Variants in NAV2 observed in about 807,000 individuals in gnomAD.
NAV2 encodes neuron navigator 2.
A neutral mutation model predicts 223.2 loss-of-function variants in NAV2; 54 were observed. The observed-to-expected ratio is 0.24, with a 90% CI of 0.19 to 0.30. The LOEUF is 0.30. Among genes scored for constraint, NAV2 ranks in the 10% least tolerant of loss-of-function variants. The pLI is 1.00. For missense variants in NAV2, 2,806 were observed against 3,147.5 expected (o/e 0.89, Z 2.60); for synonymous variants, 1,279 against 1,239.3 (o/e 1.03, Z -0.67).
intron 1 of NAV2, among the ~76,000 whole-genome samples, chr11:19,519,185 T>A (rs1189648800): frequency 6.6e-6 from 1 of 152,210 alleles, no homozygotes; most frequent in Non-Finnish European, 1.5e-5. Context: ...CTTCATTAAT[T>A]CATAATTCGT....
At chr11:19,509,977 A>G (rs139296631) in intron 1 of NAV2, among the ~76,000 whole-genome samples, 1 of 152,284 alleles carries the variant, frequency 6.6e-6, no homozygotes, top group African/African-American at 2.4e-5. Flanking sequence ...GCATTTTTCC[A>G]GGAGGATCTA....
chr11:19,950,900 G>A (rs1053901325), intron 10 of NAV2, among the ~76,000 whole-genome samples: 2 of 148,434 alleles, frequency 1.3e-5, no homozygotes, highest in Non-Finnish European at 2.9e-5. Context: ...GGGCAAAAAA[G>A]GTATGATCTA....
At chr11:19,993,382 G>A (rs1223062539) in intron 11 of NAV2, among the ~76,000 whole-genome samples, 1 of 152,198 alleles carries the variant, frequency 6.6e-6, no homozygotes, top group African/African-American at 2.4e-5. Context: ...TAAAGCTTCT[G>A]TCTGGAAATG....
chr11:20,015,374 T>C (rs1183974102), intron 11 of NAV2, among the ~76,000 whole-genome samples: 2 of 152,308 alleles, frequency 1.3e-5, no homozygotes, highest in East Asian at 3.9e-4. Flanking sequence ...TTTTGCTATT[T>C]AGAAAGCTAC....
At chr11:19,347,432 C>G (rs558559723), upstream of NAV2, among the ~76,000 whole-genome samples, 3 of 152,194 alleles carry the variant, frequency 2.0e-5, no homozygotes, top group African/African-American at 4.8e-5. Context: ...CTCCCACCCC[C>G]GGGGTGGTTG....
chr11:19,397,565 A>G (rs1392754326), intron 1 of NAV2, among the ~76,000 whole-genome samples: 1 of 152,184 alleles, frequency 6.6e-6, no homozygotes, highest in African/African-American at 2.4e-5. Flanking sequence ...GAGGTACATC[A>G]TCTTTACATT....
At chr11:19,426,695 A>AT (rs11301997) in intron 1 of NAV2, among the ~76,000 whole-genome samples, 16 of 149,576 alleles carry the variant, frequency 1.1e-4, no homozygotes, top group East Asian at 5.9e-4. Context: ...AGTCCCATCA[A>AT]TTTTTTTTTT....
chr11:19,940,132 A>G (rs1481863202), intron 8 of NAV2, among the ~76,000 whole-genome samples: 1 of 152,172 alleles, frequency 6.6e-6, no homozygotes, highest in Non-Finnish European at 1.5e-5. Flanking sequence ...CTTTTCAACA[A>G]GATTTAGAAT....
intron 1 of NAV2, among the ~76,000 whole-genome samples, chr11:19,721,825 T>A (rs1257524461): frequency 1.3e-5 from 2 of 152,188 alleles, no homozygotes; most frequent in Non-Finnish European, 2.9e-5. Flanking sequence ...TGCTGAAATA[T>A]TAGAAGGGAA....
At chr11:19,676,835 C>A (rs1390003796) in intron 1 of NAV2, among the ~76,000 whole-genome samples, 2 of 152,202 alleles carry the variant, frequency 1.3e-5, no homozygotes, top group African/African-American at 2.4e-5. Flanking sequence ...CAGGCCAGAG[C>A]AGCTGGCCCT....
rs138558609 is a variant in NAV2, at chr11:19,928,008, C to T, written c.932-5168C>T. Among the ~76,000 whole-genome samples the T allele has an allele frequency of 2.9e-3, 448 of 152,288 alleles. 3 individuals carry two copies. The highest frequency in any genetic ancestry group is 4.5e-3 in the Non-Finnish European group (309 of 68,018). ...CAAATATATAGAAATAAATAAAGCTCTAAAAACTAACCATTTCAGGTTCGT... is the reference window on the plus strand; with the variant it reads ...CAAATATATAGAAATAAATAAAGCTTTAAAAACTAACCATTTCAGGTTCGT... On this transcript the variant is annotated intron_variant, in intron 6 of 37. Transcript: ENST00000349880.
At chr11:19,521,980 G>A (rs2043672320) in intron 1 of NAV2, among the ~76,000 whole-genome samples, 1 of 152,228 alleles carries the variant, frequency 6.6e-6, no homozygotes, top group African/African-American at 2.4e-5. Context: ...AGGCAGATGG[G>A]TTTGGATCCA....
At position 20,101,038 on chromosome 11, in the gene NAV2, A is replaced by G. The variant is rs780831157; in HGVS notation, c.6283A>G (p.Ile2095Val). ...CCTCCTGATAGAGCACCGTCGGATC[A>G]TTCTCTCTGGCCCCAGCGGCACTGG... ...VSLLIEHRRI[I>V]LSGPSGTGKT... Residue 2095 changes from isoleucine to valine, a missense_variant, in exon 32 of 38, where the codon ATT becomes GTT. Ile to Val is a conservative substitution (Grantham distance 29, BLOSUM62 3). Coordinates refer to ENST00000349880, the MANE Select transcript of NAV2 (RefSeq NM_145117.5). 1.2e-6 allele frequency: 2 copies of G among 1,614,130 alleles called. No individual in the cohort carries two copies. Among genetic ancestry groups the G allele is most frequent in the East Asian group, 4.5e-5 (2 of 44,874 alleles).
At chr11:19,819,737 A>G (rs1291132602) in intron 1 of NAV2, among the ~76,000 whole-genome samples, 1 of 152,240 alleles carries the variant, frequency 6.6e-6, no homozygotes, top group East Asian at 1.9e-4. Context: ...AGTCCCCACA[A>G]TAGACACATT....
intron 1 of NAV2, among the ~76,000 whole-genome samples, chr11:19,763,273 C>G (rs530899770): frequency 1.3e-5 from 2 of 152,364 alleles, no homozygotes; most frequent in Non-Finnish European, 2.9e-5. Context: ...TTCCATTTCT[C>G]TACCCTATAG....
intron 1 of NAV2, among the ~76,000 whole-genome samples, chr11:19,745,503 C>T (rs574774839): frequency 2.6e-5 from 4 of 152,184 alleles, no homozygotes; most frequent in Non-Finnish European, 5.9e-5. Context: ...CATGTTGTCA[C>T]CATTCCTGCC....
intron 1 of NAV2, among the ~76,000 whole-genome samples, chr11:19,678,161 C>G (rs2048772426): frequency 6.6e-6 from 1 of 152,094 alleles, no homozygotes; most frequent in Non-Finnish European, 1.5e-5. Context: ...GGAGAGCGCC[C>G]AAGATAATAA....
chr11:19,566,851 C>T (rs1047697811), intron 1 of NAV2, among the ~76,000 whole-genome samples: 1 of 152,198 alleles, frequency 6.6e-6, no homozygotes, highest in Admixed American at 6.5e-5. Context: ...CTGAAAGACA[C>T]ACCCACAAAG....
intron 1 of NAV2, among the ~76,000 whole-genome samples, chr11:19,539,896 C>G (rs941584110): frequency 6.6e-6 from 1 of 152,150 alleles, no homozygotes. Flanking sequence ...TGAGATAGGT[C>G]GTGGAGGGGG....
Sources: allele counts gnomAD v4.1 joint callset (sites outside exome capture counted in the v4.1 genomes callset), GRCh38; gene constraint gnomAD v4.1.1; transcripts MANE v1.5; gene names NCBI Gene and HGNC (gene_info 2026-07-23, HGNC 2026-07-21).